The following SLC30A7 variants were observed in gnomAD, a reference collection of about 807,000 sequenced individuals.
SLC30A7 encodes zinc transporter 7.
A neutral mutation model predicts 46.0 loss-of-function variants in SLC30A7; 35 were observed. The ratio of observed to expected loss-of-function variants is 0.76; its 90% CI spans 0.58 to 1.01. SLC30A7 has a LOEUF of 1.01. Among genes scored for constraint, SLC30A7 ranks in the 50% least tolerant of loss-of-function variants. The pLI is 0.00. For missense variants in SLC30A7, 464 were observed against 451.1 expected, an observed-to-expected ratio of 1.03 and a Z score of -0.26; for synonymous variants, 147 against 157.8, an observed-to-expected ratio of 0.93 and a Z score of 0.51.
At chr1:100,951,850 T>G (rs1570574791) in intron 8 of SLC30A7, among the ~76,000 whole-genome samples, 1 of 152,204 alleles carries the variant, frequency 6.6e-6, no homozygotes, top group Non-Finnish European at 1.5e-5. Context: ...ATATATTACC[T>G]TACTTCACAA....
chr1:100,915,383 A>G (rs188805984), intron 6 of SLC30A7, among the ~76,000 whole-genome samples: 43 of 152,120 alleles, frequency 2.8e-4, no homozygotes, highest in African/African-American at 8.9e-4. Context: ...CCTAGGACCT[A>G]TTTATTTTGC....
chr1:100,992,550 C>T, the SLC30A7 span: 2 of 889,258 alleles, frequency 2.2e-6, no homozygotes, highest in Non-Finnish European at 3.5e-6. Context: ...CTCTTGCTTC[C>T]ATAGTGGTAT....
intron 8 of SLC30A7, among the ~76,000 whole-genome samples, chr1:100,950,617 GA>G (rs1654901470): frequency 6.6e-6 from 1 of 151,958 alleles, no homozygotes; most frequent in South Asian, 2.1e-4. Context: ...ATGTTTTCCT[GA>G]GCTTTTGCAT....
At chr1:100,921,676 GT>G (rs1652941152) in intron 7 of SLC30A7, 29 bp from the exon 8 acceptor site, 2 of 1,564,838 alleles carry the variant, frequency 1.3e-6, no homozygotes, top group Non-Finnish European at 1.8e-6. Context: ...CCAAAAGACT[GT>G]TTTGATTTTT....
intron 2 of SLC30A7, among the ~76,000 whole-genome samples, chr1:100,897,929 TTAATA>T (rs773602255): frequency 4.6e-5 from 7 of 152,198 alleles, no homozygotes; most frequent in Non-Finnish European, 8.8e-5. Context: ...TTAACACACT[TTAATA>T]TACTGTAGAT....
intron 9 of SLC30A7, among the ~76,000 whole-genome samples, chr1:100,965,182 G>A (rs1655796158): frequency 6.6e-6 from 1 of 152,202 alleles, no homozygotes; most frequent in Non-Finnish European, 1.5e-5. Flanking sequence ...GAGATAGGTA[G>A]TTAACACCCT....
In SLC30A7 at chr1:100,913,811, G is replaced by A. The variant is rs1652293668; in HGVS notation, c.655+5G>A. The A allele has an allele frequency of 1.2e-6, 2 of 1,611,792 alleles. No individual in the cohort carries two copies. The highest frequency in any genetic ancestry group is 1.7e-5 in the Admixed American group (1 of 59,748). Reference sequence around the variant, plus strand: ...ATGGACACTTTCATTCTCATGGTGAGTACAGCCTAGAGACAAATGGACAGC... The same window carrying A: ...ATGGACACTTTCATTCTCATGGTGAATACAGCCTAGAGACAAATGGACAGC... On this transcript the variant is annotated splice_donor_5th_base_variant and intron_variant, in intron 6 of 10. Coordinates refer to ENST00000357650, the MANE Select transcript of SLC30A7 (RefSeq NM_133496.5).
At chr1:100,955,365 A>G (rs1054131603) in intron 8 of SLC30A7, among the ~76,000 whole-genome samples, 2 of 152,088 alleles carry the variant, frequency 1.3e-5, no homozygotes, top group African/African-American at 4.8e-5. Context: ...AAAGCTTTCA[A>G]ATTAATATTA....
chr1:100,951,027 T>C (rs1377234212), intron 8 of SLC30A7, among the ~76,000 whole-genome samples: 1 of 152,116 alleles, frequency 6.6e-6, no homozygotes, highest in African/African-American at 2.4e-5. Flanking sequence ...TTCAGAGTTA[T>C]CCCACTGGAG....
At position 100,979,180 on chromosome 1, in the gene SLC30A7, G is replaced by T. The variant is rs570886356; in HGVS notation, c.*4323G>T. 1 of 151,858 alleles carries T rather than the reference G, an allele frequency of 6.6e-6. No individual in the cohort carries two copies. Among genetic ancestry groups the T allele is most frequent in the East Asian group, 1.9e-4 (1 of 5,184 alleles). 9.4% of individuals were successfully genotyped at this position (151,858 alleles called of 1,614,324 possible). A position where few individuals can be genotyped will look rare whatever the true frequency, so the allele number is the denominator to read the frequency against. ...ATTCCTACAACTAATTACTAAAACT[G>T]CTATTTCTAACTCTTCATGAAAGCA... On this transcript the variant is annotated 3_prime_UTR_variant, in exon 11 of 11. Transcript: ENST00000357650.
intron 8 of SLC30A7, among the ~76,000 whole-genome samples, chr1:100,940,002 A>G (rs1218286130): frequency 6.6e-6 from 1 of 152,192 alleles, no homozygotes; most frequent in African/African-American, 2.4e-5. Flanking sequence ...AAACAGGAGG[A>G]ATAGCCAAGT....
At chr1:100,959,049 C>G (rs1333255565) in intron 8 of SLC30A7, among the ~76,000 whole-genome samples, 2 of 152,006 alleles carry the variant, frequency 1.3e-5, no homozygotes, top group Non-Finnish European at 2.9e-5. Flanking sequence ...ATAGTTTGAG[C>G]AAAACCATGA....
chr1:100,940,885 A>T, intron 8 of SLC30A7: 1 of 315,266 alleles, frequency 3.2e-6, no homozygotes. Context: ...TGTCTAAAAC[A>T]TGTCTTCTTT....
In SLC30A7 at chr1:100,919,533, G is replaced by C. The variant is rs533790897; in HGVS notation, c.706+1406G>C. ...AATCACAGGTTTTCCATTTACAAAA[G>C]ATATGGAATTGTTTTAGAATAACAT... On this transcript the variant is annotated intron_variant, in intron 7 of 10. Transcript: ENST00000357650. Among the ~76,000 whole-genome samples the C allele has an allele frequency of 2.4e-4, 37 of 152,138 alleles. 1 individual carries two copies. In the South Asian group the frequency reaches 7.7e-3, roughly 32 times the overall value.
chr1:100,945,009 T>A (rs1215010174), intron 8 of SLC30A7, among the ~76,000 whole-genome samples: 5 of 152,234 alleles, frequency 3.3e-5, no homozygotes, highest in Non-Finnish European at 7.3e-5. Context: ...TATCTCATTG[T>A]GGTTGTGATT....
At chr1:100,902,767 A>G (rs1651388893) in intron 2 of SLC30A7, among the ~76,000 whole-genome samples, 1 of 152,090 alleles carries the variant, frequency 6.6e-6, no homozygotes, top group South Asian at 2.1e-4. Context: ...TCTCTTTTTT[A>G]TAAGGACACT....
chr1:100,961,774 G>T, intron 8 of SLC30A7, 54 bp from the exon 9 acceptor site: 1 of 1,062,632 alleles, frequency 9.4e-7, no homozygotes, highest in Non-Finnish European at 1.4e-6. Flanking sequence ...CTTTCTTGCT[G>T]GATGGGATTA....
intron 2 of SLC30A7, among the ~76,000 whole-genome samples, chr1:100,903,112 A>G (rs1651411877): frequency 6.6e-6 from 1 of 152,164 alleles, no homozygotes; most frequent in Non-Finnish European, 1.5e-5. Context: ...CTAGGGAGGA[A>G]AAAATTAATC....
chr1:100,946,308 A>G (rs1570567194), intron 8 of SLC30A7, among the ~76,000 whole-genome samples: 1 of 152,224 alleles, frequency 6.6e-6, no homozygotes, highest in East Asian at 1.9e-4. Context: ...CCCTGGCCAG[A>G]ACTTCCAACA....
Sources: allele counts gnomAD v4.1 joint callset (sites outside exome capture counted in the v4.1 genomes callset), GRCh38; gene constraint gnomAD v4.1.1; transcripts MANE v1.5; gene names NCBI Gene and HGNC (gene_info 2026-07-23, HGNC 2026-07-21).